The following EGFLAM variants were observed in gnomAD, a reference collection of about 807,000 sequenced individuals.
The protein encoded by EGFLAM is EGF like, fibronectin type III and laminin G domains.
In EGFLAM, 79 loss-of-function variants were observed where a neutral mutation model predicts 113.1. The observed-to-expected ratio is 0.70, with a 90% CI of 0.58 to 0.84. The LOEUF (loss-of-function observed/expected upper bound fraction) is 0.84. Among genes scored for constraint, EGFLAM ranks in the 40% least tolerant of loss-of-function variants. The pLI is 0.00. For synonymous variants in EGFLAM, 504 were observed against 487.6 expected, an observed-to-expected ratio of 1.03 and a Z score of -0.44; for missense variants, 1,265 against 1,291.6, an observed-to-expected ratio of 0.98 and a Z score of 0.32.
chr5:38,423,084 T>C (rs572713908), intron 12 of EGFLAM, among the ~76,000 whole-genome samples: 1 of 152,188 alleles, frequency 6.6e-6, no homozygotes, highest in South Asian at 2.1e-4. Context: ...CAAAGCAACC[T>C]CTCCCTTTGC....
intron 1 of EGFLAM, chr5:38,283,939 T>A (rs1758088010): frequency 4.6e-5 from 7 of 152,284 alleles, no homozygotes; most frequent in African/African-American, 1.7e-4. Context: ...AGCTCTTCAT[T>A]AGCTCCAAAC....
chr5:38,378,613 C>T (rs926284154), intron 6 of EGFLAM, among the ~76,000 whole-genome samples: 1 of 152,220 alleles, frequency 6.6e-6, no homozygotes, highest in Non-Finnish European at 1.5e-5. Context: ...ACAGCTGCAG[C>T]CTCTTTCAAT....
chr5:38,406,287 T>C (rs1300419449), intron 7 of EGFLAM, 46 bp downstream of exon 7: 2 of 1,558,600 alleles, frequency 1.3e-6, no homozygotes, highest in African/African-American at 1.4e-5. Flanking sequence ...TTGTGTTTTC[T>C]TGCCGAACAA....
intron 1 of EGFLAM, among the ~76,000 whole-genome samples, chr5:38,262,600 C>T (rs189667133): frequency 3.9e-4 from 60 of 152,294 alleles, no homozygotes; most frequent in Middle Eastern, 3.4e-3. Flanking sequence ...TTTGTGTCCA[C>T]CCTCTGTCGC....
chr5:38,351,614 T>C (rs17339815), intron 4 of EGFLAM, among the ~76,000 whole-genome samples: 11,490 of 152,202 alleles, frequency 0.075, 506 homozygotes, highest in South Asian at 0.13. Flanking sequence ...TGTGTGTGTC[T>C]GGAGGTGATC....
chr5:38,424,866 A>G, intron 12 of EGFLAM, 101 bp from the exon 13 acceptor site: 3 of 1,468,798 alleles, frequency 2.0e-6, no homozygotes, highest in Non-Finnish European at 2.7e-6. Flanking sequence ...AAGAACTGAA[A>G]TGTATTTATT....
intron 1 of EGFLAM, among the ~76,000 whole-genome samples, chr5:38,311,532 T>C (rs1259380503): frequency 6.6e-6 from 1 of 152,244 alleles, no homozygotes; most frequent in African/African-American, 2.4e-5. Flanking sequence ...TTCCTTCTTT[T>C]TTAAAAGGCT....
Position 38,391,033 on chromosome 5 carries a change from T to C in EGFLAM, c.713-15093T>C, listed in dbSNP as rs73749220. ...ACATCTTAAGTTTTTTCTTTTTGATTTATGCTTTCTGGCTAAAAACAACTT... is the reference window on the plus strand; with the variant it reads ...ACATCTTAAGTTTTTTCTTTTTGATCTATGCTTTCTGGCTAAAAACAACTT... On this transcript the variant is annotated intron_variant, in intron 6 of 21. Transcript: ENST00000322350. Among the ~76,000 whole-genome samples, 370 of 152,244 alleles carry C rather than the reference T, an allele frequency of 2.4e-3. 1 individual carries two copies. Among genetic ancestry groups the C allele is most frequent in the African/African-American group, 6.7e-3 (278 of 41,574 alleles).
intron 1 of EGFLAM, among the ~76,000 whole-genome samples, chr5:38,277,379 A>T (rs1757909841): frequency 6.6e-6 from 1 of 152,312 alleles, no homozygotes; most frequent in South Asian, 2.1e-4. Context: ...CACCATAAAA[A>T]GTCTCAACAA....
At chr5:38,380,155 A>G (rs565501569) in intron 6 of EGFLAM, among the ~76,000 whole-genome samples, 2 of 152,252 alleles carry the variant, frequency 1.3e-5, no homozygotes, top group Non-Finnish European at 2.9e-5. Flanking sequence ...AACCATTGTT[A>G]CAGCAGGCTG....
At chr5:38,263,041 A>G (rs76375696) in intron 1 of EGFLAM, among the ~76,000 whole-genome samples, 9,335 of 152,264 alleles carry the variant, frequency 0.061, 379 homozygotes, top group African/African-American at 0.099. Flanking sequence ...AGCATGTAAT[A>G]GTATGTCATC....
chr5:38,418,892 C>G (rs906416314), intron 12 of EGFLAM, among the ~76,000 whole-genome samples: 1 of 152,134 alleles, frequency 6.6e-6, no homozygotes, highest in African/African-American at 2.4e-5. Flanking sequence ...AGATAATTCC[C>G]AGGTTGGTTA....
chr5:38,269,426 T>C lies in EGFLAM; in HGVS notation c.97+10575T>C, dbSNP rs114902254. Among the ~76,000 whole-genome samples the C allele has an allele frequency of 5.1e-3, 780 of 152,128 alleles. 8 individuals are homozygous for C. Among genetic ancestry groups the C allele is most frequent in the African/African-American group, 0.018 (751 of 41,480 alleles). ...ACACCACAGCCTTCTTTGATGAAGA[T>C]GAAGATGCTGTGGGCTGATCTCAAC... On this transcript the variant is annotated intron_variant, in intron 1 of 21. Coordinates refer to ENST00000322350, the MANE Select transcript of EGFLAM (RefSeq NM_152403.4).
At chr5:38,433,769 G>A (rs1335396243) in intron 15 of EGFLAM, among the ~76,000 whole-genome samples, 1 of 152,198 alleles carries the variant, frequency 6.6e-6, no homozygotes, top group African/African-American at 2.4e-5. Flanking sequence ...TGTGGTGACA[G>A]TTCCTGACTG....
chr5:38,356,261 C>G (rs889376609), intron 5 of EGFLAM, among the ~76,000 whole-genome samples: 3 of 152,224 alleles, frequency 2.0e-5, no homozygotes, highest in African/African-American at 7.2e-5. Flanking sequence ...GGAATTCTGC[C>G]TCTATCTCTT....
chr5:38,258,813 C>A lies in EGFLAM; in HGVS notation c.59C>A (p.Pro20His), dbSNP rs776047930. Residue 20 changes from proline (P) to histidine (H), a missense_variant, in exon 1 of 22, where the codon CCC becomes CAC. By Grantham distance (77) the Pro-to-His change is moderately conservative. Transcript: ENST00000322350. ...RLLLLASSLG[P>H]GAVSLRAAIR... ...CTGCTCCTGGCTTCCAGCCTCGGAC[C>A]CGGCGCGGTGTCGCTCCGAGCGGCC... The A allele has an allele frequency of 3.1e-6, 5 of 1,612,466 alleles. No individual in the cohort carries two copies. In the South Asian group the frequency reaches 4.4e-5, roughly 14 times the overall value.
chr5:38,304,484 C>T (rs894319458), intron 1 of EGFLAM, among the ~76,000 whole-genome samples: 8 of 152,156 alleles, frequency 5.3e-5, no homozygotes, highest in African/African-American at 1.9e-4. Context: ...AGTCTTCTTC[C>T]CTGCTCAGTT....
At position 38,276,223 on chromosome 5, in the gene EGFLAM, C is replaced by T. The variant is rs189761074; in HGVS notation, c.97+17372C>T. Among the ~76,000 whole-genome samples the T allele has an allele frequency of 3.5e-3, 535 of 152,212 alleles. 5 individuals are homozygous for T. Among genetic ancestry groups the T allele is most frequent in the African/African-American group, 0.012 (504 of 41,536 alleles). On this transcript the variant is annotated intron_variant, in intron 1 of 21. Coordinates refer to ENST00000322350, the MANE Select transcript of EGFLAM (RefSeq NM_152403.4). ...ATCTTATGAGACTTACTCACTATCACGAGAACAACACGGGAAGGACCTGTC... is the reference window on the plus strand; with the variant it reads ...ATCTTATGAGACTTACTCACTATCATGAGAACAACACGGGAAGGACCTGTC...
chr5:38,408,306 A>C (rs1345934242), intron 9 of EGFLAM, among the ~76,000 whole-genome samples: 2 of 152,236 alleles, frequency 1.3e-5, no homozygotes, highest in East Asian at 3.8e-4. Flanking sequence ...GCTGTCACTG[A>C]ACAAATAGAA....
Sources: allele counts gnomAD v4.1 joint callset (sites outside exome capture counted in the v4.1 genomes callset), GRCh38; gene constraint gnomAD v4.1.1; transcripts MANE v1.5; gene names NCBI Gene and HGNC (gene_info 2026-07-23, HGNC 2026-07-21).